Variants in FAM227B observed in about 807,000 individuals in gnomAD.
The protein encoded by FAM227B is protein FAM227B.
A neutral mutation model predicts 73.8 loss-of-function variants in FAM227B; 88 were observed. The observed-to-expected ratio is 1.19, with a 90% confidence interval of 1.00 to 1.42. The LOEUF (loss-of-function observed/expected upper bound fraction) is 1.42, where lower values mean the gene tolerates loss of function less well. FAM227B is among the 40% of genes most tolerant of loss of function. The probability of loss-of-function intolerance (pLI) is 0.00; values close to 1 mark genes in which losing one functional copy is unlikely to be tolerated. For synonymous variants in FAM227B, 210 were observed against 190.5 expected (o/e 1.10, Z -0.84); for missense variants, 632 against 590.9 (o/e 1.07, Z -0.72).
At chr15:49,452,979 C>T (rs2151893604) in intron 11 of FAM227B, among the ~76,000 whole-genome samples, 1 of 152,080 alleles carries the variant, frequency 6.6e-6, no homozygotes, top group East Asian at 1.9e-4. Context: ...TTCCATAGGG[C>T]CCAAATTCAC....
At position 49,546,065 on chromosome 15, in the gene FAM227B, G is replaced by A. The variant is rs796682666; in HGVS notation, c.748-4259C>T. On this transcript the variant is annotated intron_variant, in intron 9 of 15. Coordinates refer to ENST00000299338, the MANE Select transcript of FAM227B (RefSeq NM_152647.3). ...GTTGGTGTGCTGCACCCATTAACTC[G>A]TCATTTAGCATTAGGTATATCTCCC... Among the ~76,000 whole-genome samples the A allele has an allele frequency of 1.1e-4, 16 of 151,600 alleles. 1 individual carries two copies. The highest frequency in any genetic ancestry group is 1.8e-4 in the Non-Finnish European group (12 of 67,948).
chr15:49,584,496 T>C (rs1480472130), intron 5 of FAM227B, among the ~76,000 whole-genome samples: 1 of 152,112 alleles, frequency 6.6e-6, no homozygotes, highest in East Asian at 1.9e-4. Flanking sequence ...CTGAACATAG[T>C]ATTGGAAGCC....
intron 11 of FAM227B, among the ~76,000 whole-genome samples, chr15:49,410,510 T>A (rs2048802477): frequency 6.6e-6 from 1 of 152,118 alleles, no homozygotes; most frequent in Non-Finnish European, 1.5e-5. Flanking sequence ...ACACAGCACA[T>A]AAGTTGTGTC....
At chr15:49,549,210 C>T (rs2072420706) in intron 9 of FAM227B, among the ~76,000 whole-genome samples, 1 of 151,968 alleles carries the variant, frequency 6.6e-6, no homozygotes, top group Non-Finnish European at 1.5e-5. Context: ...TTTCCATAGT[C>T]GTTTGTTTAA....
intron 11 of FAM227B, among the ~76,000 whole-genome samples, chr15:49,489,740 C>G (rs942458387): frequency 1.4e-5 from 2 of 139,094 alleles, no homozygotes; most frequent in African/African-American, 5.2e-5. Flanking sequence ...ACTGGTATCC[C>G]CTGTTCTATA....
chr15:49,333,393 T>C (rs1243691989), intron 14 of FAM227B, among the ~76,000 whole-genome samples: 1 of 152,212 alleles, frequency 6.6e-6, no homozygotes, highest in African/African-American at 2.4e-5. Context: ...CAATGTGCCA[T>C]TGCATTAATC....
chr15:49,438,730 G>A (rs1469565155), intron 11 of FAM227B, among the ~76,000 whole-genome samples: 1 of 151,566 alleles, frequency 6.6e-6, no homozygotes, highest in Non-Finnish European at 1.5e-5. Context: ...CTAGGCCTCA[G>A]TTTTTGTTTT....
At chr15:49,513,272 T>C (rs1369559680) in intron 10 of FAM227B, among the ~76,000 whole-genome samples, 1 of 152,216 alleles carries the variant, frequency 6.6e-6, no homozygotes. Context: ...ATCTGTTGTT[T>C]CTTGACTTTC....
At position 49,378,930 on chromosome 15, in the gene FAM227B, T is replaced by A. The variant is rs550430553; in HGVS notation, c.1013-7531A>T. 9.0e-4 allele frequency among the ~76,000 whole-genome samples: 137 copies of A among 152,254 alleles called. 5 individuals carry two copies. In the South Asian group the frequency reaches 0.027, roughly 30 times the overall value. On this transcript the variant is annotated intron_variant, in intron 11 of 15. Transcript: ENST00000299338. ...CACTCAATATAATACTAGATGTGGGTCTGTTGTATATGGCTTTTATTATGT... is the reference window on the plus strand; with the variant it reads ...CACTCAATATAATACTAGATGTGGGACTGTTGTATATGGCTTTTATTATGT...
chr15:49,474,006 T>C (rs527375639), intron 11 of FAM227B, among the ~76,000 whole-genome samples: 1 of 152,140 alleles, frequency 6.6e-6, no homozygotes, highest in Non-Finnish European at 1.5e-5. Flanking sequence ...CTTTATAATA[T>C]AACCTTGAAA....
intron 5 of FAM227B, among the ~76,000 whole-genome samples, chr15:49,582,224 T>C (rs577227173): frequency 1.6e-3 from 239 of 152,304 alleles, no homozygotes; most frequent in African/African-American, 5.6e-3. Context: ...TAGTACGCTA[T>C]CTTCAAGAGA....
intron 1 of FAM227B, among the ~76,000 whole-genome samples, chr15:49,616,385 C>T (rs759847680): frequency 1.3e-5 from 2 of 152,112 alleles, no homozygotes; most frequent in Non-Finnish European, 2.9e-5. Flanking sequence ...TGTTTTAAGC[C>T]ACTTTGCTTG....
intron 11 of FAM227B, among the ~76,000 whole-genome samples, chr15:49,433,016 AGTTGGAGCAAAATTT>A (rs2050753477): frequency 6.6e-6 from 1 of 151,644 alleles, no homozygotes; most frequent in East Asian, 1.9e-4. Flanking sequence ...TCGAAAAAGT[AGTTGGAGCAAAATTT>A]GTTGCTATTT....
At position 49,328,576 on chromosome 15, in the gene FAM227B, C is replaced by A. The variant is rs367997810; in HGVS notation, c.1519G>T (p.Glu507Ter). 1 of 1,602,580 alleles carries A rather than the reference C, an allele frequency of 6.2e-7. No individual in the cohort carries two copies. The highest frequency in any genetic ancestry group is 1.3e-5 in the African/African-American group (1 of 74,964). ...STDNYNFEEE[E>*]Y ...TTCATTTCTGGTTTCTCTTAGTATT[C>A]TTCTTCCTCAAAGTTGTAGTTGTCT... is the stretch of plus-strand genomic sequence containing the variant. The change falls in exon 16 of 16, where the codon GAA becomes TAA. Residue 507 changes from glutamate to a stop codon, truncating the protein, a stop_gained. Transcript: ENST00000299338. LOFTEE classifies it high-confidence loss of function.
At chr15:49,585,863 A>C (rs2076127204) in intron 5 of FAM227B, among the ~76,000 whole-genome samples, 1 of 152,046 alleles carries the variant, frequency 6.6e-6, no homozygotes, top group Admixed American at 6.6e-5. Context: ...AATTAAATTG[A>C]AAAGAAATCA....
At chr15:49,476,232 G>GTTTTTTTTTTTTTTTTTTTTTC in intron 11 of FAM227B, among the ~76,000 whole-genome samples, 1 of 57,440 alleles carries the variant, frequency 1.7e-5, no homozygotes, top group South Asian at 5.5e-4. Context: ...TTTGTTTTTG[G>GTTTTTTTTTTTTTTTTTTTTTC]TTTTTTTTTT....
At chr15:49,576,297 A>C (rs1377472968) in intron 7 of FAM227B, 3 of 152,884 alleles carry the variant, frequency 2.0e-5, no homozygotes, top group African/African-American at 7.2e-5. Flanking sequence ...TTACCTCCCA[A>C]CACCTGCAGT....
chr15:49,337,080 A>G (rs2039842246), intron 13 of FAM227B, among the ~76,000 whole-genome samples: 1 of 152,162 alleles, frequency 6.6e-6, no homozygotes, highest in South Asian at 2.1e-4. Flanking sequence ...CATTTTCTTT[A>G]TCCAGTCTGC....
rs118122966 is a variant in FAM227B, at chr15:49,572,520, A to G, written c.645+2491T>C. 7.2e-5 allele frequency among the ~76,000 whole-genome samples: 11 copies of G among 152,256 alleles called. 1 individual carries two copies. Among genetic ancestry groups the G allele is most frequent in the African/African-American group, 2.4e-4 (10 of 41,566 alleles). ...TTTGACCCATTGGTTGTTCAGGAAC[A>G]ATGGGAACTCAATATATTAACAATG... On this transcript the variant is annotated intron_variant, in intron 8 of 15. Coordinates refer to ENST00000299338, the MANE Select transcript of FAM227B (RefSeq NM_152647.3).
Sources: gnomAD v4.1 joint callset for allele counts (sites outside exome capture counted in the v4.1 genomes callset) on GRCh38, gnomAD v4.1.1 for gene constraint, MANE v1.5 for transcripts, NCBI Gene and HGNC (gene_info 2026-07-23, HGNC 2026-07-21) for gene names.